MARCHF1: variants seen among roughly 807,000 people sequenced by gnomAD.
The protein encoded by MARCHF1 is membrane associated ring-CH-type finger 1.
In MARCHF1, 40 loss-of-function variants were observed where a neutral mutation model predicts 54.2. The observed-to-expected ratio is 0.74, with a 90% confidence interval of 0.57 to 0.96. The LOEUF (loss-of-function observed/expected upper bound fraction) is 0.96. MARCHF1 is among the 40% of genes least tolerant of loss of function. The pLI, the probability that MARCHF1 is intolerant of heterozygous loss-of-function variation, is 0.00. For synonymous variants in MARCHF1, 236 were observed against 236.3 expected (o/e 1.00, Z 0.01); for missense variants, 586 against 656.5 (o/e 0.89, Z 1.17).
In MARCHF1 at chr4:163,752,743, G is replaced by T. The variant is rs75140564; in HGVS notation, c.112-51880C>A. On this transcript the variant is annotated intron_variant, in intron 4 of 9. Coordinates refer to ENST00000514618, the MANE Select transcript of MARCHF1 (RefSeq NM_001394959.1). ...CAAAGAAGAAAAATCACAAATGTTT[G>T]ATAAATGTTTGAAGCTATTCAACTT... Among the ~76,000 whole-genome samples, 1,145 of 152,228 alleles carry T rather than the reference G, an allele frequency of 7.5e-3. 8 individuals are homozygous for T. The highest frequency in any genetic ancestry group is 0.021 in the South Asian group (101 of 4,822).
intron 1 of MARCHF1, among the ~76,000 whole-genome samples, chr4:164,215,158 A>T (rs1731892257): frequency 6.6e-6 from 1 of 152,192 alleles, no homozygotes; most frequent in African/African-American, 2.4e-5. Flanking sequence ...ATTGGATGAC[A>T]TGTGGGCTTG....
At chr4:163,557,021 A>G (rs1374801115) in intron 8 of MARCHF1, among the ~76,000 whole-genome samples, 1 of 152,094 alleles carries the variant, frequency 6.6e-6, no homozygotes, top group Non-Finnish European at 1.5e-5. Context: ...AATCGGAGAC[A>G]TTTTCCAAGT....
intron 2 of MARCHF1, among the ~76,000 whole-genome samples, chr4:164,036,891 C>A (rs886464189): frequency 6.6e-6 from 1 of 152,058 alleles, no homozygotes; most frequent in Non-Finnish European, 1.5e-5. Flanking sequence ...TATATGCATA[C>A]CAAATGACTC....
At chr4:163,635,010 C>T (rs1245436280) in intron 5 of MARCHF1, among the ~76,000 whole-genome samples, 7 of 83,000 alleles carry the variant, frequency 8.4e-5, no homozygotes, top group Admixed American at 1.4e-4. Flanking sequence ...GGGTACATAA[C>T]GAAATGAAGG....
chr4:164,019,095 A>G (rs1391018550), intron 2 of MARCHF1, among the ~76,000 whole-genome samples: 2 of 152,184 alleles, frequency 1.3e-5, no homozygotes, highest in Non-Finnish European at 2.9e-5. Flanking sequence ...TGGGTTTGGT[A>G]AATGGGAGGC....
At chr4:164,091,959 C>T (rs1755314558) in intron 2 of MARCHF1, among the ~76,000 whole-genome samples, 1 of 151,618 alleles carries the variant, frequency 6.6e-6, no homozygotes, top group Non-Finnish European at 1.5e-5. Context: ...AAAAAAATGA[C>T]CCAAAATGTG....
chr4:164,079,335 T>C (rs1474501261), intron 2 of MARCHF1, among the ~76,000 whole-genome samples: 1 of 152,194 alleles, frequency 6.6e-6, no homozygotes. Context: ...TTTGTATTTT[T>C]AGCCAAACTG....
chr4:163,710,112 G>A (rs1305120159), intron 4 of MARCHF1, among the ~76,000 whole-genome samples: 1 of 151,982 alleles, frequency 6.6e-6, no homozygotes, highest in Non-Finnish European at 1.5e-5. Flanking sequence ...TCTAACTTCA[G>A]GATCACTATG....
intron 4 of MARCHF1, among the ~76,000 whole-genome samples, chr4:163,825,748 C>T (rs1748832330): frequency 6.6e-6 from 1 of 151,756 alleles, no homozygotes; most frequent in Admixed American, 6.6e-5. Flanking sequence ...AATTATTAAT[C>T]ATTTTAATTA....
chr4:163,572,635 G>T (rs1739879525), intron 8 of MARCHF1, among the ~76,000 whole-genome samples: 1 of 151,972 alleles, frequency 6.6e-6, no homozygotes, highest in Non-Finnish European at 1.5e-5. Context: ...TGTGCCACGG[G>T]AAGGGAGTAC....
chr4:163,850,484 A>G (rs1749612624), intron 4 of MARCHF1, among the ~76,000 whole-genome samples: 1 of 152,148 alleles, frequency 6.6e-6, no homozygotes, highest in Admixed American at 6.5e-5. Context: ...ATACTTTTGC[A>G]TATTATATTC....
chr4:163,590,578 T>C (rs1459377370), intron 7 of MARCHF1, among the ~76,000 whole-genome samples: 1 of 152,164 alleles, frequency 6.6e-6, no homozygotes, highest in Non-Finnish European at 1.5e-5. Context: ...TCACCAATCA[T>C]ATAAACCCAA....
At chr4:163,603,939 G>A (rs1316952545) in intron 7 of MARCHF1, among the ~76,000 whole-genome samples, 2 of 151,670 alleles carry the variant, frequency 1.3e-5, no homozygotes, top group African/African-American at 2.4e-5. Context: ...AAACTAAAAA[G>A]GCCTCTGAAT....
chr4:163,928,756 A>C (rs1481759761), intron 3 of MARCHF1, among the ~76,000 whole-genome samples: 1 of 152,034 alleles, frequency 6.6e-6, no homozygotes, highest in Non-Finnish European at 1.5e-5. Context: ...AAAATTGGAC[A>C]TGCTGAGAGT....
chr4:164,355,698 G>C lies in MARCHF1; in HGVS notation c.-323+28172C>G, dbSNP rs1457457825. Among the ~76,000 whole-genome samples, 15 of 99,778 alleles carry C rather than the reference G, an allele frequency of 1.5e-4. 3 individuals are homozygous for C. In the South Asian group the frequency reaches 1.7e-3, roughly 12 times the overall value. The allele number at this position is 99,778 out of a possible 152,430, so 65.5% of individuals were successfully genotyped here. On this transcript the variant is annotated intron_variant, in intron 1 of 9. Transcript: ENST00000514618. Reference sequence around the variant, plus strand: ...CCTAGGCATTACCATTCAGGACATAGGCATGGGCAAGGACTTCATGTCCAA... The same window carrying C: ...CCTAGGCATTACCATTCAGGACATACGCATGGGCAAGGACTTCATGTCCAA...
rs913899834 is a variant in MARCHF1 at position 163,779,915 on chromosome 4, TTG to T, written c.111+74104_111+74105del. On this transcript the variant is annotated intron_variant, in intron 4 of 9. Coordinates refer to ENST00000514618, the MANE Select transcript of MARCHF1 (RefSeq NM_001394959.1). Reference sequence around the variant, plus strand: ...AATATTTCATAATTAACACAGCACTTTGTGTTGTTGGCATAAACTACTGTGAA... The same window carrying T: ...AATATTTCATAATTAACACAGCACTTTGTTGTTGGCATAAACTACTGTGAA... Among the ~76,000 whole-genome samples the T allele has an allele frequency of 2.6e-5, 4 of 152,254 alleles. No individual in the cohort carries two copies. In the East Asian group the frequency reaches 7.7e-4, roughly 29 times the overall value.
At chr4:163,905,489 A>AT (rs1751045305) in intron 3 of MARCHF1, among the ~76,000 whole-genome samples, 1 of 152,066 alleles carries the variant, frequency 6.6e-6, no homozygotes, top group Admixed American at 6.6e-5. Flanking sequence ...CTTTGCATAT[A>AT]TTTTCAAGGA....
intron 1 of MARCHF1, among the ~76,000 whole-genome samples, chr4:164,165,340 A>C (rs1052309627): frequency 7.0e-6 from 1 of 142,754 alleles, no homozygotes; most frequent in South Asian, 2.2e-4. Context: ...TATAGGAAGA[A>C]ACACAAGCAC....
chr4:164,121,553 A>C (rs1031695735), intron 1 of MARCHF1, among the ~76,000 whole-genome samples: 6 of 152,068 alleles, frequency 3.9e-5, no homozygotes, highest in Non-Finnish European at 8.8e-5. Flanking sequence ...AGCATGGGGG[A>C]ATCCACCCCC....
Sources: gnomAD v4.1 joint callset for allele counts (sites outside exome capture counted in the v4.1 genomes callset) on GRCh38, gnomAD v4.1.1 for gene constraint, MANE v1.5 for transcripts, NCBI Gene and HGNC (gene_info 2026-07-23, HGNC 2026-07-21) for gene names.